CDC42SE2: variants seen among roughly 807,000 people sequenced by gnomAD.
The protein encoded by CDC42SE2 is CDC42 small effector 2, also known as CDC42 small effector protein 2.
Under a neutral mutation model 11.5 loss-of-function variants are expected in CDC42SE2, and 3 were observed. The ratio of observed to expected loss-of-function variants is 0.26; its 90% CI spans 0.12 to 0.67. The LOEUF (loss-of-function observed/expected upper bound fraction) is 0.67, where lower values mean the gene tolerates loss of function less well. Ranked by LOEUF, CDC42SE2 falls within the 30% of genes least tolerant of loss-of-function variation. The pLI, the probability that CDC42SE2 is intolerant of heterozygous loss-of-function variation, is 0.80. For synonymous variants in CDC42SE2, 33 were observed against 34.8 expected (o/e 0.95, Z 0.18); for missense variants, 82 against 106.8 (o/e 0.77, Z 1.02).
At chr5:131,323,259 C>T (rs1758231687) in intron 2 of CDC42SE2, among the ~76,000 whole-genome samples, 1 of 151,424 alleles carries the variant, frequency 6.6e-6, no homozygotes, top group Non-Finnish European at 1.5e-5. Flanking sequence ...CTCCTGGGCT[C>T]GAGCAATCCT....
At chr5:131,232,983 G>T in the CDC42SE2 span, among the ~76,000 whole-genome samples, 318 of 151,688 alleles carry the variant, frequency 2.1e-3, 1 homozygote, top group African/African-American at 7.5e-3. Context: ...GGTGTACAGT[G>T]GAAAGGCTTC....
At chr5:131,297,830 C>G (rs1385416321) in intron 1 of CDC42SE2, among the ~76,000 whole-genome samples, 1 of 151,924 alleles carries the variant, frequency 6.6e-6, no homozygotes, top group Non-Finnish European at 1.5e-5. Flanking sequence ...GAGAAATAAT[C>G]GATCGACAAA....
chr5:131,279,825 G>A (rs561990336), intron 1 of CDC42SE2, among the ~76,000 whole-genome samples: 1 of 152,274 alleles, frequency 6.6e-6, no homozygotes, highest in African/African-American at 2.4e-5. Context: ...TGTAATCCCG[G>A]CACTTTGGGA....
intron 2 of CDC42SE2, among the ~76,000 whole-genome samples, chr5:131,336,550 A>T (rs1026412531): frequency 2.0e-5 from 3 of 152,154 alleles, no homozygotes; most frequent in Non-Finnish European, 2.9e-5. Flanking sequence ...CTCCTGGATA[A>T]TATCCTGCAT....
chr5:131,258,049 C>T (rs1458268202), intron 2 of CDC42SE2, among the ~76,000 whole-genome samples: 1 of 152,140 alleles, frequency 6.6e-6, no homozygotes, highest in Admixed American at 6.5e-5. Context: ...CTCTTGTTAT[C>T]TGCCTTTTGG....
intron 1 of CDC42SE2, among the ~76,000 whole-genome samples, chr5:131,266,100 T>C (rs1219506763): frequency 6.6e-6 from 1 of 152,224 alleles, no homozygotes; most frequent in Non-Finnish European, 1.5e-5. Context: ...TGGTTCCATA[T>C]GTGGACTTAT....
intron 2 of CDC42SE2, among the ~76,000 whole-genome samples, chr5:131,258,006 T>G (rs144294599): frequency 1.1e-4 from 17 of 152,026 alleles, no homozygotes; most frequent in Non-Finnish European, 2.4e-4. Context: ...GCAGCCCTGG[T>G]GCTGAGTCTT....
At chr5:131,335,526 A>G (rs1034180151) in intron 2 of CDC42SE2, among the ~76,000 whole-genome samples, 3 of 152,084 alleles carry the variant, frequency 2.0e-5, no homozygotes, top group Admixed American at 6.6e-5. Context: ...TATCCTTGTT[A>G]ACTTTCTGTC....
the CDC42SE2 span, among the ~76,000 whole-genome samples, chr5:131,220,679 T>C: frequency 6.6e-6 from 1 of 152,204 alleles, no homozygotes; most frequent in African/African-American, 2.4e-5. Flanking sequence ...AAGGCAGAAC[T>C]GTTACTGGAA....
At chr5:131,297,157 CTTTTT>C (rs5871416) in intron 1 of CDC42SE2, among the ~76,000 whole-genome samples, 51 of 136,570 alleles carry the variant, frequency 3.7e-4, no homozygotes, top group African/African-American at 1.4e-3. Context: ...ACTTTATATT[CTTTTT>C]TTTTTTTTTT....
intron 2 of CDC42SE2, among the ~76,000 whole-genome samples, chr5:131,355,713 C>T (rs969821572): frequency 1.1e-5 from 1 of 89,372 alleles, no homozygotes; most frequent in Non-Finnish European, 2.3e-5. Context: ...AAAAAAAAAA[C>T]CTAGTTACCT....
intron 1 of CDC42SE2, chr5:131,245,696 A>G (rs1019132053): frequency 6.6e-6 from 1 of 152,232 alleles, no homozygotes. Flanking sequence ...CCAGTGTCAG[A>G]TGAATTTTCT....
At chr5:131,229,309 C>T in the CDC42SE2 span, among the ~76,000 whole-genome samples, 1 of 152,064 alleles carries the variant, frequency 6.6e-6, no homozygotes, top group Non-Finnish European at 1.5e-5. Flanking sequence ...GCCGCTGCAC[C>T]CAGCCTATTT....
At position 131,251,244 on chromosome 5, in the gene CDC42SE2, A is replaced by G. The variant is rs1172683177; in HGVS notation, n.108-3851A>G. On this transcript the variant is annotated intron_variant and non_coding_transcript_variant, in intron 1 of 3. Coordinates refer to the CDC42SE2 transcript ENST00000502840. ...AAATGCTTTTGTAGTGCGCAAAAGA[A>G]TATGTTGGGCAGGTCTTGACTGGAG... 1.3e-5 allele frequency among the ~76,000 whole-genome samples: 2 copies of G among 152,248 alleles called. 1 individual carries two copies. The highest frequency in any genetic ancestry group is 2.9e-5 in the Non-Finnish European group (2 of 68,040).
upstream of CDC42SE2, among the ~76,000 whole-genome samples, chr5:131,261,941 G>A (rs1756730255): frequency 6.7e-6 from 1 of 149,760 alleles, no homozygotes. Flanking sequence ...CTGATGAGAA[G>A]GGTGCATGAA....
At chr5:131,375,545 C>A (rs1750127233) in intron 3 of CDC42SE2, among the ~76,000 whole-genome samples, 1 of 152,080 alleles carries the variant, frequency 6.6e-6, no homozygotes, top group African/African-American at 2.4e-5. Flanking sequence ...GGAGAGAGCT[C>A]CTTATATAAG....
intron 1 of CDC42SE2, among the ~76,000 whole-genome samples, chr5:131,283,174 G>A (rs935132062): frequency 5.3e-5 from 8 of 151,796 alleles, no homozygotes; most frequent in Non-Finnish European, 7.4e-5. Flanking sequence ...TGATCTGCCC[G>A]CCTTGGCCTC....
chr5:131,309,024 A>C (rs1034736244), intron 1 of CDC42SE2, among the ~76,000 whole-genome samples: 3 of 150,816 alleles, frequency 2.0e-5, no homozygotes, highest in African/African-American at 7.3e-5. Context: ...GTCTTGTGCC[A>C]GTTTTCAAAG....
At chr5:131,305,288 A>C (rs1381739852) in intron 1 of CDC42SE2, among the ~76,000 whole-genome samples, 1 of 152,168 alleles carries the variant, frequency 6.6e-6, no homozygotes, top group Non-Finnish European at 1.5e-5. Context: ...TAAAAGAAAA[A>C]CTTTAGACAA....
Sources: gnomAD v4.1 joint callset for allele counts (sites outside exome capture counted in the v4.1 genomes callset) on GRCh38, gnomAD v4.1.1 for gene constraint, MANE v1.5 for transcripts, NCBI Gene and HGNC (gene_info 2026-07-23, HGNC 2026-07-21) for gene names.